Variants in MEGF10 observed in about 807,000 individuals in gnomAD.
MEGF10 encodes multiple EGF like domains 10.
In MEGF10, 86 loss-of-function variants were observed where a neutral mutation model predicts 147.5. The ratio of observed to expected loss-of-function variants is 0.58; its 90% CI spans 0.49 to 0.70. The LOEUF (loss-of-function observed/expected upper bound fraction) is 0.70. Ranked by LOEUF, MEGF10 falls within the 30% of genes least tolerant of loss-of-function variation. The pLI, the probability that MEGF10 is intolerant of heterozygous loss-of-function variation, is 0.00. For missense variants in MEGF10, 1,329 were observed against 1,487.3 expected (o/e 0.89, Z 1.75); for synonymous variants, 478 against 525.5 (o/e 0.91, Z 1.24).
At chr5:127,416,696 G>A (rs1178614062) in intron 9 of MEGF10, among the ~76,000 whole-genome samples, 1 of 152,138 alleles carries the variant, frequency 6.6e-6, no homozygotes, top group Non-Finnish European at 1.5e-5. Flanking sequence ...AGGAATATAG[G>A]ATATAAGATT....
At chr5:127,374,632 G>T (rs1194400902) in intron 5 of MEGF10, among the ~76,000 whole-genome samples, 1 of 151,868 alleles carries the variant, frequency 6.6e-6, no homozygotes, top group Non-Finnish European at 1.5e-5. Context: ...TTCATTGCTG[G>T]TTATATTAAA....
At chr5:127,332,055 G>C (rs993764692) in intron 2 of MEGF10, among the ~76,000 whole-genome samples, 2 of 151,936 alleles carry the variant, frequency 1.3e-5, no homozygotes, top group Non-Finnish European at 2.9e-5. Flanking sequence ...AGTTAGTACC[G>C]TATTGGAGGA....
the MEGF10 span, among the ~76,000 whole-genome samples, chr5:127,234,586 A>G: frequency 6.6e-6 from 1 of 152,310 alleles, no homozygotes; most frequent in Admixed American, 6.5e-5. Context: ...AAATGAATCC[A>G]CCAAAAAGAA....
At chr5:127,326,089 T>C (rs1224914298) in intron 1 of MEGF10, among the ~76,000 whole-genome samples, 2 of 151,352 alleles carry the variant, frequency 1.3e-5, no homozygotes, top group Admixed American at 6.6e-5. Flanking sequence ...CTAATTTTTT[T>C]TTTTAAATAA....
rs1053083040 is a variant in MEGF10 at position 127,458,103 on chromosome 5, C to T, written c.*785C>T. 6.6e-6 allele frequency: 1 copy of T among 152,126 alleles called. No individual in the cohort carries two copies. Among genetic ancestry groups the T allele is most frequent in the African/African-American group, 2.4e-5 (1 of 41,416 alleles). The allele number at this position is 152,126 out of a possible 1,614,324, so 9.4% of individuals were successfully genotyped here. ...TCACTGGCTCCATCATACATATTCA[C>T]CACTTGAGATTCATAACATATCAAT... On this transcript the variant is annotated 3_prime_UTR_variant, in exon 25 of 25. Coordinates refer to ENST00000503335, the MANE Select transcript of MEGF10 (RefSeq NM_001256545.2).
At chr5:127,241,716 T>A in the MEGF10 span, among the ~76,000 whole-genome samples, 2 of 152,152 alleles carry the variant, frequency 1.3e-5, no homozygotes, top group African/African-American at 4.8e-5. Flanking sequence ...AGTAGAGCTA[T>A]AACAGAGAGT....
intron 4 of MEGF10, among the ~76,000 whole-genome samples, chr5:127,362,821 T>G: frequency 6.6e-6 from 1 of 152,248 alleles, no homozygotes; most frequent in Non-Finnish European, 1.5e-5. Flanking sequence ...ATTTGATTTC[T>G]TCTTGTCCTG....
chr5:127,259,027 T>A, the MEGF10 span, among the ~76,000 whole-genome samples: 1,006 of 152,316 alleles, frequency 6.6e-3, 12 homozygotes, highest in African/African-American at 0.023. Flanking sequence ...GTAAGACTTC[T>A]GATCTTAGCT....
chr5:127,385,412 A>ACCTGAGG (rs1763391761), intron 5 of MEGF10, among the ~76,000 whole-genome samples: 1 of 151,970 alleles, frequency 6.6e-6, no homozygotes, highest in Admixed American at 6.5e-5. Flanking sequence ...TGCTGGGATT[A>ACCTGAGG]CAGGTACGCA....
chr5:127,402,154 C>T (rs572623800), intron 7 of MEGF10, among the ~76,000 whole-genome samples: 3 of 152,248 alleles, frequency 2.0e-5, no homozygotes, highest in East Asian at 3.9e-4. Context: ...ATTTATGTAA[C>T]GGATGCTCAA....
At chr5:127,305,742 A>T (rs565445330) in intron 1 of MEGF10, among the ~76,000 whole-genome samples, 1 of 152,292 alleles carries the variant, frequency 6.6e-6, no homozygotes, top group East Asian at 1.9e-4. Flanking sequence ...TTGTGCAGCC[A>T]CCGGGGATGG....
At chr5:127,368,978 T>C (rs1762752249) in intron 4 of MEGF10, among the ~76,000 whole-genome samples, 1 of 152,166 alleles carries the variant, frequency 6.6e-6, no homozygotes. Context: ...AGATAAGGCT[T>C]ATTTTACTTT....
At chr5:127,320,504 C>T (rs1760747479) in intron 1 of MEGF10, among the ~76,000 whole-genome samples, 1 of 152,112 alleles carries the variant, frequency 6.6e-6, no homozygotes, top group African/African-American at 2.4e-5. Flanking sequence ...CAGCATGTGG[C>T]ACTTTATCTA....
intron 5 of MEGF10, among the ~76,000 whole-genome samples, chr5:127,391,301 T>C (rs1763682874): frequency 6.6e-6 from 1 of 151,904 alleles, no homozygotes; most frequent in Non-Finnish European, 1.5e-5. Context: ...TCTAGCTGGG[T>C]GCAGCAGCTC....
chr5:127,252,071 C>A, the MEGF10 span, among the ~76,000 whole-genome samples: 8 of 151,974 alleles, frequency 5.3e-5, no homozygotes, highest in East Asian at 1.5e-3. Flanking sequence ...ACATTTTAAT[C>A]AATTTTCACT....
the MEGF10 span, among the ~76,000 whole-genome samples, chr5:127,285,035 CAG>C: frequency 6.6e-6 from 1 of 152,214 alleles, no homozygotes; most frequent in East Asian, 1.9e-4. Context: ...ATGAAGAAAG[CAG>C]ACTGGATGTA....
chr5:127,236,005 G>T, the MEGF10 span, among the ~76,000 whole-genome samples: 1 of 151,190 alleles, frequency 6.6e-6, no homozygotes, highest in Admixed American at 6.6e-5. Context: ...ACAGAGTCTC[G>T]CTCTGTCACC....
rs756218266 is a variant in MEGF10 at position 127,420,029 on chromosome 5, G to T, written c.1427-15G>T. On this transcript the variant is annotated splice_polypyrimidine_tract_variant and intron_variant, in intron 11 of 24. Transcript: ENST00000503335. ...CCTTTGTTCGCTCACGTGCTCTGGCGTTCTTGTCGCACAGGCTGGCACGGG... is the reference window on the plus strand; with the variant it reads ...CCTTTGTTCGCTCACGTGCTCTGGCTTTCTTGTCGCACAGGCTGGCACGGG... 2.5e-6 allele frequency: 4 copies of T among 1,613,178 alleles called. No individual in the cohort carries two copies. The highest frequency in any genetic ancestry group is 2.7e-5 in the African/African-American group (2 of 75,010).
chr5:127,434,299 TAAAG>T (rs1425556977), intron 14 of MEGF10, among the ~76,000 whole-genome samples: 1 of 152,206 alleles, frequency 6.6e-6, no homozygotes, highest in Non-Finnish European at 1.5e-5. Flanking sequence ...TCTTAAAGAA[TAAAG>T]AATCAACAAA....
Sources: gnomAD v4.1 joint callset for allele counts (sites outside exome capture counted in the v4.1 genomes callset) on GRCh38, gnomAD v4.1.1 for gene constraint, MANE v1.5 for transcripts, NCBI Gene and HGNC (gene_info 2026-07-23, HGNC 2026-07-21) for gene names.